The following SPHKAP variants were observed in gnomAD, a reference collection of about 807,000 sequenced individuals.
SPHKAP encodes the protein A-kinase anchor protein SPHKAP.
Under a neutral mutation model 137.5 loss-of-function variants are expected in SPHKAP, and 67 were observed. The observed-to-expected ratio is 0.49, with a 90% confidence interval of 0.40 to 0.60. SPHKAP has a LOEUF of 0.60. Ranked by LOEUF, SPHKAP falls within the 20% of genes least tolerant of loss-of-function variation. The pLI, the probability that SPHKAP is intolerant of heterozygous loss-of-function variation, is 0.00. For missense variants in SPHKAP, 2,097 were observed against 2,069.3 expected (o/e 1.01, Z -0.26); for synonymous variants, 813 against 785.3 (o/e 1.04, Z -0.59).
chr2:228,114,134 T>C (rs770217409), intron 2 of SPHKAP, among the ~76,000 whole-genome samples: 1 of 152,168 alleles, frequency 6.6e-6, no homozygotes, highest in Non-Finnish European at 1.5e-5. Context: ...TCTGCTATTT[T>C]TAGTTATGGA....
rs548503032 is a variant in SPHKAP, at chr2:228,027,613, A to G, written c.247-70T>C. The G allele has an allele frequency of 4.5e-5, 68 of 1,497,496 alleles. No homozygotes were observed. In the Middle Eastern group the frequency reaches 1.2e-3, roughly 26 times the overall value. The allele number at this position is 1,497,496 out of a possible 1,614,324, so 92.8% of individuals were successfully genotyped here. A position where few individuals can be genotyped will look rare whatever the true frequency, so the allele number is the denominator to read the frequency against. ...ACTGTCTTTTTAGAAGAAAGAAAGCAGGAATCAGTTGGGGCAAATGCTTTG... is the reference window on the plus strand; with the variant it reads ...ACTGTCTTTTTAGAAGAAAGAAAGCGGGAATCAGTTGGGGCAAATGCTTTG... On this transcript the variant is annotated intron_variant, in intron 3 of 11. Transcript: ENST00000392056.
At chr2:228,168,114 A>G (rs1255633624) in intron 1 of SPHKAP, among the ~76,000 whole-genome samples, 7 of 152,170 alleles carry the variant, frequency 4.6e-5, no homozygotes, top group Non-Finnish European at 1.0e-4. Flanking sequence ...TAATGCACTA[A>G]TCATTTCAAA....
intron 3 of SPHKAP, among the ~76,000 whole-genome samples, chr2:228,030,437 C>G (rs1695243187): frequency 1.1e-5 from 1 of 92,950 alleles, no homozygotes; most frequent in Admixed American, 1.3e-4. Flanking sequence ...TCGCTTGAAG[C>G]TGGGAGGCAG....
At chr2:228,051,063 C>A (rs1241693649) in intron 3 of SPHKAP, among the ~76,000 whole-genome samples, 1 of 152,102 alleles carries the variant, frequency 6.6e-6, no homozygotes, top group Non-Finnish European at 1.5e-5. Context: ...CCTCGGCCTC[C>A]CAAAGTGCTG....
chr2:228,020,667 G>A (rs569084166), intron 6 of SPHKAP, among the ~76,000 whole-genome samples: 4 of 152,190 alleles, frequency 2.6e-5, no homozygotes, highest in Admixed American at 2.6e-4. Flanking sequence ...GTATACATAT[G>A]TAACAAACCT....
chr2:228,001,486 C>T lies in SPHKAP; in HGVS notation c.4449-5792G>A, dbSNP rs567511713. On this transcript the variant is annotated intron_variant, in intron 7 of 11. Coordinates refer to ENST00000392056, the MANE Select transcript of SPHKAP (RefSeq NM_001142644.2). ...ATACGTATATATAAAAATATATATA[C>T]GTATATATAAGTATATATACGTATA... Among the ~76,000 whole-genome samples the T allele has an allele frequency of 4.1e-4, 56 of 135,506 alleles. No individual in the cohort carries two copies. In the South Asian group the frequency reaches 0.01, roughly 25 times the overall value. 88.9% of individuals were successfully genotyped at this position (135,506 alleles called of 152,430 possible).
intron 3 of SPHKAP, among the ~76,000 whole-genome samples, chr2:228,103,175 C>T (rs1024090245): frequency 3.3e-5 from 5 of 152,196 alleles, no homozygotes; most frequent in African/African-American, 1.2e-4. Context: ...CATGCTTTTC[C>T]CCCAACCCCC....
At chr2:228,144,218 T>C (rs1047617601) in intron 1 of SPHKAP, among the ~76,000 whole-genome samples, 31 of 152,210 alleles carry the variant, frequency 2.0e-4, no homozygotes, top group African/African-American at 7.2e-4. Context: ...TCTATTTTTC[T>C]CAGTATCAGT....
chr2:228,112,970 G>A (rs934370745), intron 2 of SPHKAP, among the ~76,000 whole-genome samples: 2 of 152,068 alleles, frequency 1.3e-5, no homozygotes, highest in Admixed American at 1.3e-4. Flanking sequence ...CTTTCCTAAA[G>A]CACATCTTTG....
intron 1 of SPHKAP, among the ~76,000 whole-genome samples, chr2:228,140,720 T>C (rs947760664): frequency 6.6e-6 from 1 of 152,114 alleles, no homozygotes; most frequent in South Asian, 2.1e-4. Context: ...TTCTCATGAA[T>C]GGCTTAGCAC....
chr2:228,012,952 C>CT (rs1329274430), intron 7 of SPHKAP, among the ~76,000 whole-genome samples: 1 of 152,180 alleles, frequency 6.6e-6, no homozygotes. Context: ...GCGTAAATAA[C>CT]TTTTTTTAAA....
chr2:228,118,419 T>C (rs1698790160), intron 2 of SPHKAP, among the ~76,000 whole-genome samples: 2 of 152,036 alleles, frequency 1.3e-5, no homozygotes, highest in South Asian at 4.1e-4. Flanking sequence ...AGTCATATGG[T>C]AAATTTATAA....
At chr2:228,155,883 C>A (rs1700094524) in intron 1 of SPHKAP, among the ~76,000 whole-genome samples, 1 of 152,134 alleles carries the variant, frequency 6.6e-6, no homozygotes, top group African/African-American at 2.4e-5. Flanking sequence ...GTGATGCAAG[C>A]AAAGAGGACA....
Position 228,016,448 on chromosome 2 carries a change from A to AC in SPHKAP, c.4405dup (p.Val1469GlyfsTer15). ...GCTCACGGCTGTGTCTCCACCTCTC[A>AC]CCACATCTGGGATGTTTTTGTCATT... On this transcript the variant is annotated frameshift_variant, in exon 7 of 12. Transcript: ENST00000392056. LOFTEE classifies it high-confidence loss of function. 6.2e-7 allele frequency: 1 copy of AC among 1,610,514 alleles called. No individual in the cohort carries two copies. Among genetic ancestry groups the AC allele is most frequent in the Non-Finnish European group, 8.5e-7 (1 of 1,178,778 alleles).
Position 228,046,291 on chromosome 2 carries a change from C to CTTTTTTTTTTTTTTT in SPHKAP, c.247-18763_247-18749dup, listed in dbSNP as rs58510792. ...CTGCATGCTGAATACTGTTGTTATTCTTTTTTTTTTTTTTTTTTTTTGGTC... is the reference window on the plus strand; with the variant it reads ...CTGCATGCTGAATACTGTTGTTATTCTTTTTTTTTTTTTTTTTTTTTTTTTTTTTTTTTTTTGGTC... On this transcript the variant is annotated intron_variant, in intron 3 of 11. Transcript: ENST00000392056. 4.3e-3 allele frequency among the ~76,000 whole-genome samples: 354 copies of CTTTTTTTTTTTTTTT among 82,398 alleles called. 3 individuals are homozygous for CTTTTTTTTTTTTTTT. Among genetic ancestry groups the CTTTTTTTTTTTTTTT allele is most frequent in the Non-Finnish European group, 5.3e-3 (238 of 45,142 alleles). 54.1% of individuals were successfully genotyped at this position (82,398 alleles called of 152,430 possible). A position where few individuals can be genotyped will look rare whatever the true frequency, so the allele number is the denominator to read the frequency against.
intron 3 of SPHKAP, among the ~76,000 whole-genome samples, chr2:228,030,285 G>A (rs1008691282): frequency 2.0e-5 from 3 of 152,148 alleles, no homozygotes; most frequent in Middle Eastern, 3.4e-3. Flanking sequence ...GGAGGCCAAG[G>A]TGGGCGGATC....
intron 2 of SPHKAP, among the ~76,000 whole-genome samples, chr2:228,126,879 C>T (rs62201112): frequency 0.11 from 16,060 of 152,076 alleles, 1,080 homozygotes; most frequent in Admixed American, 0.14. Context: ...TTCCTGAAAC[C>T]CTTAGAGATT....
At chr2:228,049,952 T>G (rs1696197052) in intron 3 of SPHKAP, among the ~76,000 whole-genome samples, 1 of 151,894 alleles carries the variant, frequency 6.6e-6, no homozygotes, top group South Asian at 2.1e-4. Context: ...CCAACAAAGG[T>G]CTGATATTCA....
chr2:228,109,299 A>C (rs1698442364), intron 2 of SPHKAP: 2 of 884,472 alleles, frequency 2.3e-6, no homozygotes, highest in Non-Finnish European at 1.4e-6. Flanking sequence ...GTGTTCTTTC[A>C]CACTCCATAA....
Sources: allele counts gnomAD v4.1 joint callset (sites outside exome capture counted in the v4.1 genomes callset), GRCh38; gene constraint gnomAD v4.1.1; transcripts MANE v1.5; gene names NCBI Gene and HGNC (gene_info 2026-07-23, HGNC 2026-07-21).